Variants in THNSL1 observed in about 807,000 individuals in gnomAD.
The protein encoded by THNSL1 is threonine synthase-like 1.
In THNSL1, 48 loss-of-function variants were observed where a neutral mutation model predicts 50.4. That is an observed-to-expected ratio of 0.95 (90% CI 0.76 to 1.21). The LOEUF (loss-of-function observed/expected upper bound fraction) is 1.21, where lower values mean the gene tolerates loss of function less well. Ranked by LOEUF, THNSL1 falls within the 50% of genes most tolerant of loss-of-function variation. The pLI is 0.00. For missense variants in THNSL1, 896 were observed against 871.7 expected (o/e 1.03, Z -0.35); for synonymous variants, 309 against 306.1 (o/e 1.01, Z -0.10).
chr10:24,968,645 C>T, the THNSL1 span, among the ~76,000 whole-genome samples: 1 of 152,152 alleles, frequency 6.6e-6, no homozygotes. Context: ...CCTTTCTATC[C>T]TTAGCGTATT....
the THNSL1 span, among the ~76,000 whole-genome samples, chr10:25,000,284 A>G: frequency 6.6e-6 from 1 of 152,136 alleles, no homozygotes; most frequent in East Asian, 1.9e-4. Flanking sequence ...ACTTGAAAAG[A>G]AAGTATGTTG....
the THNSL1 span, among the ~76,000 whole-genome samples, chr10:24,976,098 T>C: frequency 3.3e-5 from 5 of 152,176 alleles, no homozygotes; most frequent in Non-Finnish European, 7.3e-5. Context: ...GGGAGACTGA[T>C]TGGAAAAACT....
chr10:24,964,921 G>T, the THNSL1 span, among the ~76,000 whole-genome samples: 1 of 152,110 alleles, frequency 6.6e-6, no homozygotes, highest in Non-Finnish European at 1.5e-5. Context: ...ATCTTAGCTG[G>T]TCATGGTGGT....
the THNSL1 span, among the ~76,000 whole-genome samples, chr10:24,988,238 A>ATATATATATATATGTGTG: frequency 1.4e-5 from 2 of 145,544 alleles, no homozygotes; most frequent in African/African-American, 5.1e-5. Context: ...AAAAATGTAT[A>ATATATATATATATGTGTG]TATATATATA....
At chr10:25,005,083 AT>A in the THNSL1 span, among the ~76,000 whole-genome samples, 1 of 151,974 alleles carries the variant, frequency 6.6e-6, no homozygotes, top group South Asian at 2.1e-4. Context: ...GGGCAGTCTT[AT>A]TTCTGGGTTC....
At chr10:24,972,353 CAAAA>C in the THNSL1 span, among the ~76,000 whole-genome samples, 1 of 150,688 alleles carries the variant, frequency 6.6e-6, no homozygotes, top group Non-Finnish European at 1.5e-5. Context: ...ACTAAAAATA[CAAAA>C]ATTAGCCAGG....
At chr10:24,967,042 A>G in the THNSL1 span, among the ~76,000 whole-genome samples, 7 of 152,150 alleles carry the variant, frequency 4.6e-5, no homozygotes, top group Non-Finnish European at 1.0e-4. Context: ...ATTTACTGCC[A>G]GTTATGAACA....
the THNSL1 span, among the ~76,000 whole-genome samples, chr10:25,011,508 G>A: frequency 1.3e-5 from 2 of 152,146 alleles, no homozygotes; most frequent in African/African-American, 2.4e-5. Context: ...AATAAATGGT[G>A]CTGGGAAAAC....
chr10:24,967,074 A>C, the THNSL1 span, among the ~76,000 whole-genome samples: 9 of 152,274 alleles, frequency 5.9e-5, no homozygotes, highest in African/African-American at 2.2e-4. Flanking sequence ...TTTGCACATC[A>C]TAACAGGCCA....
the THNSL1 span, chr10:24,990,342 C>T: frequency 7.5e-7 from 1 of 1,325,852 alleles, no homozygotes; most frequent in South Asian, 1.6e-5. Flanking sequence ...AACTGTAACC[C>T]AAAGAGATTG....
At chr10:25,017,228 A>C (rs1190987124) in intron 1 of THNSL1, among the ~76,000 whole-genome samples, 1 of 152,166 alleles carries the variant, frequency 6.6e-6, no homozygotes, top group East Asian at 1.9e-4. Context: ...CCTTGTTGGA[A>C]AATTGTCTTC....
the THNSL1 span, chr10:24,952,578 T>G: frequency 1.3e-6 from 2 of 1,581,080 alleles, no homozygotes; most frequent in South Asian, 1.2e-5. The surrounding 1 kb of genome is among the most constrained non-coding windows in gnomAD (Gnocchi z 5.1). Context: ...CCGGCCATGT[T>G]TCTCCCGGGG....
At chr10:24,963,716 A>G in the THNSL1 span, among the ~76,000 whole-genome samples, 1 of 152,258 alleles carries the variant, frequency 6.6e-6, no homozygotes, top group Non-Finnish European at 1.5e-5. Flanking sequence ...GATGTAAAAC[A>G]TCAGGCAACC....
the THNSL1 span, among the ~76,000 whole-genome samples, chr10:24,967,724 ATGTGTGTATGATG>A: frequency 6.7e-6 from 1 of 149,754 alleles, no homozygotes; most frequent in African/African-American, 2.5e-5. Context: ...CGTGTGTGAT[ATGTGTGTATGATG>A]TGTGTATGTA....
chr10:24,972,498 ACT>A, the THNSL1 span, among the ~76,000 whole-genome samples: 1 of 148,038 alleles, frequency 6.8e-6, no homozygotes, highest in African/African-American at 2.6e-5. Context: ...AGAGAGCAAG[ACT>A]CTGTCTCAAA....
the THNSL1 span, among the ~76,000 whole-genome samples, chr10:24,970,040 A>C: frequency 1.3e-5 from 2 of 152,350 alleles, no homozygotes; most frequent in African/African-American, 4.8e-5. Flanking sequence ...CATGGTTCTC[A>C]TTTCCTGAAG....
chr10:24,995,589 A>G, the THNSL1 span: 2 of 1,420,676 alleles, frequency 1.4e-6, no homozygotes, highest in Admixed American at 1.9e-5. Context: ...ATCATCATGA[A>G]CACCATATTT....
At chr10:25,010,444 T>C in the THNSL1 span, among the ~76,000 whole-genome samples, 1 of 152,196 alleles carries the variant, frequency 6.6e-6, no homozygotes, top group African/African-American at 2.4e-5. Flanking sequence ...AACTCATTTT[T>C]TTTATTATTA....
At chr10:24,986,999 G>T in the THNSL1 span, among the ~76,000 whole-genome samples, 1 of 152,084 alleles carries the variant, frequency 6.6e-6, no homozygotes, top group African/African-American at 2.4e-5. Flanking sequence ...TGCTCCTTTT[G>T]CACCCTCGCC....
Sources: allele counts gnomAD v4.1 joint callset (sites outside exome capture counted in the v4.1 genomes callset), GRCh38; gene constraint gnomAD v4.1.1; non-coding constraint Gnocchi (gnomAD v3.1); transcripts MANE v1.5; gene names NCBI Gene and HGNC (gene_info 2026-07-23, HGNC 2026-07-21).